MYRFL: variants seen among roughly 807,000 people sequenced by gnomAD.
MYRFL encodes myelin regulatory factor-like protein.
Under a neutral mutation model 109.4 loss-of-function variants are expected in MYRFL, and 88 were observed. The observed-to-expected ratio is 0.80, with a 90% CI of 0.68 to 0.96. The LOEUF (loss-of-function observed/expected upper bound fraction) is 0.96. MYRFL is among the 40% of genes least tolerant of loss of function. The probability of loss-of-function intolerance (pLI) is 0.00; values close to 1 mark genes in which losing one functional copy is unlikely to be tolerated. For missense variants in MYRFL, 957 were observed against 954.9 expected, an observed-to-expected ratio of 1.00 and a Z score of -0.03; for synonymous variants, 324 against 320.9, an observed-to-expected ratio of 1.01 and a Z score of -0.10.
chr12:69,830,331 C>A (rs1466193538), intron 1 of MYRFL, among the ~76,000 whole-genome samples: 1 of 150,616 alleles, frequency 6.6e-6, no homozygotes, highest in Non-Finnish European at 1.5e-5. Context: ...ATATATTCTA[C>A]CTTCTGTTTT....
At chr12:69,930,905 T>A (rs888142256) in intron 15 of MYRFL, among the ~76,000 whole-genome samples, 1 of 151,810 alleles carries the variant, frequency 6.6e-6, no homozygotes, top group Non-Finnish European at 1.5e-5. Flanking sequence ...AAATAAAACC[T>A]ATTGAATCAG....
In MYRFL at chr12:69,903,680, G is replaced by A. The variant is rs140217637; in HGVS notation, c.1219G>A (p.Ala407Thr). The A allele has an allele frequency of 1.6e-4, 242 of 1,535,874 alleles. No individual in the cohort carries two copies. The East Asian group carries it at 4.0e-3, about 26-fold the overall frequency. The change falls in exon 11 of 25, where the codon GCA becomes ACA. Residue 407 changes from alanine (A) to threonine (T), a missense_variant. Coordinates refer to ENST00000552032, the MANE Select transcript of MYRFL (RefSeq NM_182530.3). ...NPGQFENDSD[A>T]LWQRGQVPES... ...TGGGCAGTTTGAAAATGACAGTGATGCATTGTGGCAGCGAGGACAAGTTCC... is the reference window on the plus strand; with the variant it reads ...TGGGCAGTTTGAAAATGACAGTGATACATTGTGGCAGCGAGGACAAGTTCC...
intron 1 of MYRFL, among the ~76,000 whole-genome samples, chr12:69,830,129 T>C (rs1882537810): frequency 6.6e-6 from 1 of 152,054 alleles, no homozygotes; most frequent in South Asian, 2.1e-4. Context: ...AGTGCTTTCA[T>C]AGAACATTGA....
At chr12:69,888,766 C>T (rs960959948) in intron 6 of MYRFL, among the ~76,000 whole-genome samples, 5 of 152,294 alleles carry the variant, frequency 3.3e-5, no homozygotes, top group African/African-American at 7.2e-5. Flanking sequence ...TCAACTAAGA[C>T]GGTTCTTATT....
intron 1 of MYRFL, among the ~76,000 whole-genome samples, chr12:69,842,279 C>G (rs572143147): frequency 6.6e-6 from 1 of 152,286 alleles, no homozygotes; most frequent in South Asian, 2.1e-4. Context: ...GAATTATAAA[C>G]CTAATCACAT....
intron 11 of MYRFL, among the ~76,000 whole-genome samples, chr12:69,908,272 T>C (rs1236708394): frequency 6.6e-6 from 1 of 152,216 alleles, no homozygotes; most frequent in Non-Finnish European, 1.5e-5. Flanking sequence ...GTATGTGATA[T>C]AGGAGAAGAC....
chr12:69,929,257 C>T lies in MYRFL; in HGVS notation c.1830+1509C>T, dbSNP rs139621182. ...ATATAGGGCTTAAAGAGCACCCGTT[C>T]AACTCAGAGACCTCTTGCTGTCACT... On this transcript the variant is annotated intron_variant, in intron 15 of 24. Coordinates refer to ENST00000552032, the MANE Select transcript of MYRFL (RefSeq NM_182530.3). 7.8e-4 allele frequency among the ~76,000 whole-genome samples: 118 copies of T among 152,242 alleles called. No homozygotes were observed. In the East Asian group the frequency reaches 0.021, roughly 27 times the overall value.
intron 1 of MYRFL, among the ~76,000 whole-genome samples, chr12:69,836,999 C>T (rs971499737): frequency 2.0e-5 from 3 of 152,090 alleles, no homozygotes; most frequent in African/African-American, 7.2e-5. Context: ...TGACATTTTA[C>T]AAACTCTTGC....
chr12:69,892,635 C>T (rs1044542987), intron 7 of MYRFL, among the ~76,000 whole-genome samples: 1 of 152,182 alleles, frequency 6.6e-6, no homozygotes, highest in Admixed American at 6.5e-5. Context: ...CTGCTGCACA[C>T]ATAACTGTTC....
intron 5 of MYRFL, among the ~76,000 whole-genome samples, chr12:69,885,079 A>T (rs1886361569): frequency 6.6e-6 from 1 of 152,206 alleles, no homozygotes; most frequent in Non-Finnish European, 1.5e-5. Context: ...ATTTGGTGTA[A>T]GCAGGATAAC....
intron 6 of MYRFL, 120 bp downstream of exon 6, chr12:69,887,090 AGT>A: frequency 9.4e-7 from 1 of 1,065,406 alleles, no homozygotes; most frequent in African/African-American, 1.6e-5. Context: ...TCAGTGAGAA[AGT>A]GTCTGTCTTA....
chr12:69,870,197 C>G (rs1346178375), intron 2 of MYRFL, among the ~76,000 whole-genome samples: 2 of 133,776 alleles, frequency 1.5e-5, no homozygotes. Flanking sequence ...CAACCTCTGC[C>G]TCCTGGGTTC....
intron 10 of MYRFL, among the ~76,000 whole-genome samples, chr12:69,900,374 C>T (rs1954140289): frequency 6.6e-6 from 1 of 152,170 alleles, no homozygotes; most frequent in South Asian, 2.1e-4. Flanking sequence ...TTTCTGTCAA[C>T]TACAGAAGGG....
chr12:69,858,206 G>C (rs2446481), intron 2 of MYRFL, among the ~76,000 whole-genome samples: 37,709 of 151,768 alleles, frequency 0.25, 5,445 homozygotes, highest in Middle Eastern at 0.38. Context: ...ATAAATCTCA[G>C]TTAATTGTGA....
chr12:69,891,561 A>ATTAATTTC (rs1555249259), intron 7 of MYRFL, among the ~76,000 whole-genome samples: 2 of 113,998 alleles, frequency 1.8e-5, no homozygotes, highest in Admixed American at 9.7e-5. Flanking sequence ...AAAGGTGTCA[A>ATTAATTTC]TTTCTTTCTT....
At chr12:69,826,040 T>A (rs1882254530) in intron 1 of MYRFL, among the ~76,000 whole-genome samples, 1 of 152,066 alleles carries the variant, frequency 6.6e-6, no homozygotes, top group South Asian at 2.1e-4. Flanking sequence ...AGAAAAGTGC[T>A]TTAGGTATTT....
intron 5 of MYRFL, among the ~76,000 whole-genome samples, chr12:69,885,233 A>G (rs573609598): frequency 6.6e-6 from 1 of 152,212 alleles, no homozygotes; most frequent in Non-Finnish European, 1.5e-5. Flanking sequence ...GTTTTGAGAA[A>G]TCTTTCTAAA....
Position 69,885,525 on chromosome 12 carries a change from C to T in MYRFL, c.557-1295C>T, listed in dbSNP as rs138679810. On this transcript the variant is annotated intron_variant, in intron 5 of 24. Coordinates refer to ENST00000552032, the MANE Select transcript of MYRFL (RefSeq NM_182530.3). The stretch of plus-strand genomic sequence containing the variant: ...CTATTTGTACATTGTTACTGAGAGC[C>T]GCACCTGGTCTCACAAACACCCACT... 9.9e-4 allele frequency among the ~76,000 whole-genome samples: 151 copies of T among 152,240 alleles called. 1 individual carries two copies. The East Asian group carries it at 0.014, about 14-fold the overall frequency.
chr12:69,874,378 A>G (rs1321714380), intron 2 of MYRFL, among the ~76,000 whole-genome samples: 1 of 152,098 alleles, frequency 6.6e-6, no homozygotes, highest in African/African-American at 2.4e-5. Flanking sequence ...GGGTCTTCCC[A>G]TGTTGTCCAG....
Sources: allele counts gnomAD v4.1 joint callset (sites outside exome capture counted in the v4.1 genomes callset), GRCh38; gene constraint gnomAD v4.1.1; transcripts MANE v1.5; gene names NCBI Gene and HGNC (gene_info 2026-07-23, HGNC 2026-07-21).